Variants in PGR observed in about 807,000 individuals in gnomAD.
PGR encodes the protein progesterone receptor, also known as nuclear receptor subfamily 3 group C member 3.
Under a neutral mutation model 76.1 loss-of-function variants are expected in PGR, and 25 were observed. That is an observed-to-expected ratio of 0.33 (90% CI 0.24 to 0.46). The LOEUF (loss-of-function observed/expected upper bound fraction) is 0.46, where lower values mean the gene tolerates loss of function less well. PGR is among the 20% of genes least tolerant of loss of function. The pLI, the probability that PGR is intolerant of heterozygous loss-of-function variation, is 1.00. For synonymous variants in PGR, 579 were observed against 535.0 expected (o/e 1.08, Z -1.14); for missense variants, 1,172 against 1,225.3 (o/e 0.96, Z 0.65).
chr11:101,117,879 T>C (rs548075346), intron 2 of PGR, among the ~76,000 whole-genome samples: 1 of 152,302 alleles, frequency 6.6e-6, no homozygotes, highest in Non-Finnish European at 1.5e-5. Context: ...GTGGAAATGG[T>C]AAATTCTACT....
chr11:101,101,074 C>A (rs1861982924), intron 2 of PGR, among the ~76,000 whole-genome samples: 1 of 152,218 alleles, frequency 6.6e-6, no homozygotes, highest in Non-Finnish European at 1.5e-5. Flanking sequence ...TGATCCAGGA[C>A]TAGGGCAGGA....
chr11:101,085,525 T>TAAAAAAAAAAAAAAAAAA lies in PGR; in HGVS notation c.1906+6217_1906+6234dup, dbSNP rs1212568882. 1.3e-3 allele frequency among the ~76,000 whole-genome samples: 53 copies of TAAAAAAAAAAAAAAAAAA among 42,280 alleles called. 1 individual carries two copies. The highest frequency in any genetic ancestry group is 1.5e-3 in the Non-Finnish European group (38 of 25,762). 27.7% of individuals were successfully genotyped at this position (42,280 alleles called of 152,430 possible). On this transcript the variant is annotated intron_variant, in intron 3 of 7. Coordinates refer to ENST00000325455, the MANE Select transcript of PGR (RefSeq NM_000926.4). Reference sequence around the variant, plus strand: ...GACCTAACATCACACCTAGAGGAACTAAAAAAAAAAAAAAAAAAAAAAAAA... The same window carrying TAAAAAAAAAAAAAAAAAA: ...GACCTAACATCACACCTAGAGGAACTAAAAAAAAAAAAAAAAAAAAAAAAAAAAAAAAAAAAAAAAAAA...
At position 101,038,931 on chromosome 11, in the gene PGR, T is replaced by C. The variant is rs1859602782; in HGVS notation, c.*185A>G. On this transcript the variant is annotated 3_prime_UTR_variant, in exon 8 of 8. Coordinates refer to ENST00000325455, the MANE Select transcript of PGR (RefSeq NM_000926.4). Reference sequence around the variant, plus strand: ...TATGGGTAAACAAAACAGTTAAACATTCTAATTATACTTTATAAAAGAAAA... The same window carrying C: ...TATGGGTAAACAAAACAGTTAAACACTCTAATTATACTTTATAAAAGAAAA... The C allele has an allele frequency of 3.8e-6, 2 of 519,678 alleles. No homozygotes were observed. The highest frequency in any genetic ancestry group is 6.8e-6 in the Non-Finnish European group (2 of 295,158). The allele number at this position is 519,678 out of a possible 1,614,324, so 32.2% of individuals were successfully genotyped here.
chr11:101,080,422 C>T (rs1420316170), intron 3 of PGR, among the ~76,000 whole-genome samples: 1 of 138,714 alleles, frequency 7.2e-6, no homozygotes, highest in East Asian at 2.1e-4. Context: ...AAAAGGGAAA[C>T]AAAAAAAATT....
At chr11:101,061,964 A>T (rs530349151) in intron 4 of PGR, among the ~76,000 whole-genome samples, 1 of 152,316 alleles carries the variant, frequency 6.6e-6, no homozygotes, top group African/African-American at 2.4e-5. Flanking sequence ...TATTTTTTAA[A>T]GTAATTTACG....
In PGR at chr11:101,109,136, T is replaced by C. The variant is rs189500376; in HGVS notation, c.1789+16871A>G. On this transcript the variant is annotated intron_variant, in intron 2 of 7. Transcript: ENST00000325455. ...CCAATTGGCATTCTGTCCTTGTCTC[T>C]TTCTTCATGATTTCCTATTCCCTGT... is the stretch of plus-strand genomic sequence containing the variant. Among the ~76,000 whole-genome samples, 47 of 152,334 alleles carry C rather than the reference T, an allele frequency of 3.1e-4. No homozygotes were observed. In the East Asian group the frequency reaches 6.6e-3, roughly 21 times the overall value.
chr11:101,069,137 T>G (rs922847564), intron 3 of PGR, among the ~76,000 whole-genome samples: 1 of 151,410 alleles, frequency 6.6e-6, no homozygotes, highest in Non-Finnish European at 1.5e-5. Flanking sequence ...AGGGCTAATA[T>G]CCAGAGTCTA....
Position 101,129,222 on chromosome 11 carries a change from C to A in PGR, c.-152G>T. On this transcript the variant is annotated 5_prime_UTR_variant, in exon 1 of 8. Transcript: ENST00000325455. ...GGATCTCCACCTCCTGGGTCGGGGG[C>A]GGGGGAGGGCGGCGCTGGTCAGCTC... 1 of 374,250 alleles carries A rather than the reference C, an allele frequency of 2.7e-6. No individual in the cohort carries two copies. Among genetic ancestry groups the A allele is most frequent in the South Asian group, 1.4e-4 (1 of 6,912 alleles). The allele number at this position is 374,250 out of a possible 1,614,324, so 23.2% of individuals were successfully genotyped here.
intron 4 of PGR, among the ~76,000 whole-genome samples, chr11:101,053,449 C>G (rs1431283345): frequency 6.6e-6 from 1 of 151,982 alleles, no homozygotes; most frequent in Non-Finnish European, 1.5e-5. Context: ...GAGCATTTAC[C>G]TTTTACTGAG....
chr11:101,054,472 G>T (rs1048928983), intron 4 of PGR, among the ~76,000 whole-genome samples: 42 of 152,144 alleles, frequency 2.8e-4, no homozygotes, highest in Non-Finnish European at 4.1e-4. Flanking sequence ...AATGCTGCTT[G>T]TAAGTCAAAT....
At chr11:101,089,208 T>G (rs989750879) in intron 3 of PGR, among the ~76,000 whole-genome samples, 5 of 151,786 alleles carry the variant, frequency 3.3e-5, no homozygotes, top group Admixed American at 2.6e-4. Context: ...AGAGCTGCGA[T>G]AGCTGGAAAA....
intron 6 of PGR, among the ~76,000 whole-genome samples, chr11:101,048,019 G>C (rs1016918924): frequency 1.3e-5 from 2 of 152,106 alleles, no homozygotes; most frequent in South Asian, 4.1e-4. Flanking sequence ...TGAAAGTGAT[G>C]TATGATAGTT....
intron 3 of PGR, among the ~76,000 whole-genome samples, chr11:101,068,655 G>T (rs926808052): frequency 1.3e-5 from 2 of 152,152 alleles, no homozygotes; most frequent in African/African-American, 2.4e-5. Context: ...GCATGGTACT[G>T]GTACCCAAAC....
chr11:101,048,907 A>C (rs1859986709), intron 6 of PGR, among the ~76,000 whole-genome samples: 1 of 151,956 alleles, frequency 6.6e-6, no homozygotes, highest in Non-Finnish European at 1.5e-5. Flanking sequence ...CACAAGGTAC[A>C]GTTCTCTTTC....
intron 3 of PGR, 179 bp from the exon 4 acceptor site, chr11:101,062,931 ACTCTTGATT>A: frequency 2.0e-6 from 1 of 505,302 alleles, no homozygotes. Flanking sequence ...CATGTAACTA[ACTCTTGATT>A]AAAAAAAATT....
intron 2 of PGR, among the ~76,000 whole-genome samples, chr11:101,109,466 G>A (rs546234180): frequency 3.3e-5 from 5 of 152,298 alleles, no homozygotes; most frequent in South Asian, 2.1e-4. Context: ...ATGGAGAAAC[G>A]CTTAATGGTC....
intron 2 of PGR, among the ~76,000 whole-genome samples, chr11:101,093,037 G>C (rs1178838794): frequency 6.6e-6 from 1 of 152,244 alleles, no homozygotes; most frequent in African/African-American, 2.4e-5. Flanking sequence ...ATGCCAAAAG[G>C]CCTATATATG....
At chr11:101,084,056 T>C (rs780446980) in intron 3 of PGR, among the ~76,000 whole-genome samples, 5 of 152,154 alleles carry the variant, frequency 3.3e-5, no homozygotes, top group African/African-American at 4.8e-5. Flanking sequence ...TAGGAGGTTA[T>C]TGGATCATGG....
intron 2 of PGR, among the ~76,000 whole-genome samples, chr11:101,108,744 T>A (rs11224598): frequency 6.6e-6 from 1 of 151,982 alleles, no homozygotes; most frequent in African/African-American, 2.4e-5. Flanking sequence ...AAAAAGGAGA[T>A]GGCAGTAACT....
Sources: allele counts gnomAD v4.1 joint callset (sites outside exome capture counted in the v4.1 genomes callset), GRCh38; gene constraint gnomAD v4.1.1; transcripts MANE v1.5; gene names NCBI Gene and HGNC (gene_info 2026-07-23, HGNC 2026-07-21).